Variants in DUSP10 observed in about 807,000 individuals in gnomAD.
The protein encoded by DUSP10 is dual specificity protein phosphatase 10.
DUSP10 carries 14 observed loss-of-function variants against 30.8 expected under a neutral mutation model. The ratio of observed to expected loss-of-function variants is 0.46; its 90% CI spans 0.30 to 0.71. The LOEUF is 0.71. Among genes scored for constraint, DUSP10 ranks in the 30% least tolerant of loss-of-function variants. DUSP10 has a pLI of 0.08. For synonymous variants in DUSP10, 254 were observed against 250.4 expected (o/e 1.01, Z -0.14); for missense variants, 550 against 619.4 (o/e 0.89, Z 1.19).
intron 2 of DUSP10, among the ~76,000 whole-genome samples, chr1:221,727,922 AC>A (rs1162420983): frequency 6.6e-6 from 1 of 152,152 alleles, no homozygotes; most frequent in Admixed American, 6.5e-5. Context: ...TGTATTGGAA[AC>A]TTAATTGTCA....
At chr1:221,728,138 T>C (rs74144917) in intron 2 of DUSP10, among the ~76,000 whole-genome samples, 5,869 of 152,322 alleles carry the variant, frequency 0.039, 382 homozygotes, top group African/African-American at 0.13. Flanking sequence ...CCCTCCACCA[T>C]GGGCTGACCT....
chr1:221,734,954 A>G (rs1661718749), intron 2 of DUSP10, among the ~76,000 whole-genome samples: 1 of 151,850 alleles, frequency 6.6e-6, no homozygotes, highest in Non-Finnish European at 1.5e-5. Flanking sequence ...TATTTTTCAC[A>G]GGTCTCTGAT....
intron 2 of DUSP10, among the ~76,000 whole-genome samples, chr1:221,738,157 C>T (rs562989342): frequency 6.6e-6 from 1 of 152,280 alleles, no homozygotes; most frequent in East Asian, 1.9e-4. Context: ...TGAATAATTC[C>T]TTCTGCCAGA....
intron 2 of DUSP10, among the ~76,000 whole-genome samples, chr1:221,728,110 C>T (rs1172345952): frequency 6.6e-6 from 1 of 152,200 alleles, no homozygotes; most frequent in African/African-American, 2.4e-5. Context: ...GTCTTACACA[C>T]TTGCTCATCA....
At chr1:221,719,277 G>A (rs1661210695) in intron 2 of DUSP10, among the ~76,000 whole-genome samples, 2 of 152,220 alleles carry the variant, frequency 1.3e-5, no homozygotes, top group South Asian at 4.1e-4. Flanking sequence ...TGGATTCTAT[G>A]TTTGGTGAAT....
chr1:221,713,730 A>C (rs1661013008), intron 2 of DUSP10, among the ~76,000 whole-genome samples: 1 of 152,196 alleles, frequency 6.6e-6, no homozygotes, highest in Admixed American at 6.5e-5. Context: ...CTTTAATAGA[A>C]TTTAGGTCCT....
chr1:221,737,139 TAG>T, intron 2 of DUSP10: 1 of 985,364 alleles, frequency 1.0e-6, no homozygotes, highest in Non-Finnish European at 1.2e-6. Context: ...CACTGCAAAA[TAG>T]AGAGTAGGGT....
intron 1 of DUSP10, 119 bp from the exon 2 acceptor site, chr1:221,739,906 T>G: frequency 9.8e-7 from 1 of 1,015,486 alleles, no homozygotes; most frequent in South Asian, 2.2e-5. Context: ...TAATTGCCCT[T>G]TATCATACCA....
At chr1:221,708,532 A>G (rs74476847) in intron 2 of DUSP10, among the ~76,000 whole-genome samples, 1 of 152,340 alleles carries the variant, frequency 6.6e-6, no homozygotes, top group East Asian at 1.9e-4. Flanking sequence ...CTTTTTGAAA[A>G]GAAAAACAAG....
chr1:221,720,915 G>C (rs1661263363), intron 2 of DUSP10, among the ~76,000 whole-genome samples: 1 of 152,174 alleles, frequency 6.6e-6, no homozygotes, highest in East Asian at 1.9e-4. Context: ...TTTCTTCCCT[G>C]TTTATTGTTC....
Position 221,739,784 on chromosome 1 carries a change from C to T in DUSP10, c.-40G>A, listed in dbSNP as rs761005519. On this transcript the variant is annotated 5_prime_UTR_variant, in exon 2 of 4. Transcript: ENST00000366899. The stretch of plus-strand genomic sequence containing the variant: ...CTGGCAATTCAAGAAGAACTCAAGA[C>T]AGTCTGTAAAGAAGGGGAAGGGGGA... The T allele has an allele frequency of 1.3e-6, 2 of 1,532,138 alleles. No individual in the cohort carries two copies. The highest frequency in any genetic ancestry group is 1.4e-5 in the African/African-American group (1 of 72,326). 94.9% of individuals were successfully genotyped at this position (1,532,138 alleles called of 1,614,324 possible). A position where few individuals can be genotyped will look rare whatever the true frequency, so the allele number is the denominator to read the frequency against.
At chr1:221,717,241 GAC>G (rs1661132216) in intron 2 of DUSP10, among the ~76,000 whole-genome samples, 1 of 152,108 alleles carries the variant, frequency 6.6e-6, no homozygotes, top group Non-Finnish European at 1.5e-5. Context: ...ACCTCTGAGT[GAC>G]TCAAGGGAGC....
intron 2 of DUSP10, among the ~76,000 whole-genome samples, chr1:221,737,641 C>T (rs1250715969): frequency 6.6e-6 from 1 of 152,136 alleles, no homozygotes; most frequent in Admixed American, 6.5e-5. Context: ...GAGAGATGTG[C>T]CTTTGTGGTA....
At chr1:221,720,912 C>T (rs1009476271) in intron 2 of DUSP10, among the ~76,000 whole-genome samples, 1 of 151,974 alleles carries the variant, frequency 6.6e-6, no homozygotes, top group Non-Finnish European at 1.5e-5. Context: ...TTATTTCTTC[C>T]CTGTTTATTG....
chr1:221,707,904 T>C (rs1660814012), intron 2 of DUSP10, among the ~76,000 whole-genome samples: 2 of 152,336 alleles, frequency 1.3e-5, no homozygotes, highest in South Asian at 2.1e-4. Context: ...TTACGGATCA[T>C]AGTTTATTGT....
intron 2 of DUSP10, among the ~76,000 whole-genome samples, chr1:221,733,615 G>A (rs1010747399): frequency 1.3e-5 from 2 of 152,248 alleles, no homozygotes; most frequent in African/African-American, 4.8e-5. Context: ...GAGTAGGAGA[G>A]CAGGGTCCAG....
intron 2 of DUSP10, among the ~76,000 whole-genome samples, chr1:221,712,759 G>A (rs1269965659): frequency 2.7e-5 from 3 of 110,508 alleles, no homozygotes; most frequent in African/African-American, 1.2e-4. Context: ...AAAAGACAGT[G>A]GATGATATAT....
chr1:221,710,679 TAAAG>T (rs1349074084), intron 2 of DUSP10, among the ~76,000 whole-genome samples: 1 of 152,218 alleles, frequency 6.6e-6, no homozygotes, highest in Non-Finnish European at 1.5e-5. Flanking sequence ...ACTTTTAACA[TAAAG>T]AAAGCAACAG....
intron 2 of DUSP10, among the ~76,000 whole-genome samples, chr1:221,707,683 G>A (rs1428879029): frequency 6.6e-6 from 1 of 151,934 alleles, no homozygotes; most frequent in African/African-American, 2.4e-5. Context: ...ATTTTAAAAA[G>A]GCCAAGTAAA....
Sources: allele counts gnomAD v4.1 joint callset (sites outside exome capture counted in the v4.1 genomes callset), GRCh38; gene constraint gnomAD v4.1.1; transcripts MANE v1.5; gene names NCBI Gene and HGNC (gene_info 2026-07-23, HGNC 2026-07-21).